CD48: variants seen among roughly 807,000 people sequenced by gnomAD.
CD48 encodes the protein CD48 molecule.
In CD48, 20 loss-of-function variants were observed where a neutral mutation model predicts 22.0. The observed-to-expected ratio is 0.91, with a 90% CI of 0.64 to 1.32. The LOEUF (loss-of-function observed/expected upper bound fraction) is 1.32, where lower values mean the gene tolerates loss of function less well. Among genes scored for constraint, CD48 ranks in the 40% most tolerant of loss-of-function variants. The pLI is 0.00. For missense variants in CD48, 307 were observed against 286.5 expected, an observed-to-expected ratio of 1.07 and a Z score of -0.52; for synonymous variants, 110 against 110.1, an observed-to-expected ratio of 1.00 and a Z score of 0.01.
At chr1:160,700,897 G>A (rs530133) in intron 1 of CD48, among the ~76,000 whole-genome samples, 115,323 of 151,896 alleles carry the variant, frequency 0.76, 44,040 homozygotes, top group East Asian at 0.83. Context: ...GTGTAATCCA[G>A]CCTCTATAAC....
In CD48 at chr1:160,688,410, C is replaced by T. The variant is rs186308316; in HGVS notation, c.83-3221G>A. 8.5e-5 allele frequency among the ~76,000 whole-genome samples: 13 copies of T among 152,342 alleles called. No homozygotes were observed. In the East Asian group the frequency reaches 2.3e-3, roughly 27 times the overall value. On this transcript the variant is annotated intron_variant, in intron 1 of 3. Transcript: ENST00000368046. ...TTCTCAAACTCGAACCAACATTACA[C>T]TTTTCCTGGAGTCAAAATGGGAGTT...
intron 1 of CD48, among the ~76,000 whole-genome samples, chr1:160,700,049 G>A (rs1056614315): frequency 1.3e-5 from 2 of 152,112 alleles, no homozygotes; most frequent in East Asian, 1.9e-4. Flanking sequence ...GGGAAATCCT[G>A]TAAGGCAGTA....
intron 1 of CD48, among the ~76,000 whole-genome samples, chr1:160,704,443 C>A (rs900670800): frequency 6.6e-6 from 1 of 152,142 alleles, no homozygotes; most frequent in Non-Finnish European, 1.5e-5. Context: ...GTGAAGTTCC[C>A]GCTACCCACT....
intron 1 of CD48, among the ~76,000 whole-genome samples, chr1:160,704,198 A>G (rs1662722892): frequency 6.6e-6 from 1 of 152,174 alleles, no homozygotes; most frequent in East Asian, 1.9e-4. Flanking sequence ...GGCTTCTTGG[A>G]TGGCCCTGGA....
chr1:160,681,912 G>A (rs927704618), intron 2 of CD48, among the ~76,000 whole-genome samples: 5 of 152,210 alleles, frequency 3.3e-5, no homozygotes, highest in Admixed American at 6.5e-5. Flanking sequence ...GAGTCCTAAG[G>A]TAAGAGGTAC....
intron 1 of CD48, among the ~76,000 whole-genome samples, chr1:160,689,229 T>C (rs1317153348): frequency 2.6e-5 from 4 of 152,200 alleles, no homozygotes; most frequent in African/African-American, 4.8e-5. Context: ...TAATCTATGG[T>C]AACATTAAAT....
intron 1 of CD48, among the ~76,000 whole-genome samples, chr1:160,696,683 G>T (rs61801644): frequency 7.0e-6 from 1 of 142,080 alleles, no homozygotes; most frequent in African/African-American, 2.6e-5. Flanking sequence ...TGGATGTCAC[G>T]CATGTACCTT....
At chr1:160,703,832 G>A (rs369083035) in intron 1 of CD48, among the ~76,000 whole-genome samples, 1 of 152,162 alleles carries the variant, frequency 6.6e-6, no homozygotes, top group South Asian at 2.1e-4. Context: ...CCAGACAGAG[G>A]AAAGAGCCAG....
intron 2 of CD48, among the ~76,000 whole-genome samples, chr1:160,681,779 C>G (rs1322531144): frequency 6.6e-6 from 1 of 152,192 alleles, no homozygotes; most frequent in Non-Finnish European, 1.5e-5. Context: ...AGCCCAGAGA[C>G]TTGCTGGGGT....
intron 2 of CD48, chr1:160,684,673 A>C (rs1016421201): frequency 1.2e-5 from 17 of 1,410,484 alleles, no homozygotes; most frequent in Non-Finnish European, 9.4e-7. Flanking sequence ...CTAACTTCAG[A>C]AGAGGTGTTA....
intron 3 of CD48, chr1:160,680,938 G>C: frequency 7.0e-7 from 1 of 1,431,978 alleles, no homozygotes; most frequent in Non-Finnish European, 9.1e-7. Flanking sequence ...CTTTGTTAGA[G>C]CGGGAGAGGG....
chr1:160,688,131 T>A (rs1014645723), intron 1 of CD48, among the ~76,000 whole-genome samples: 1 of 152,198 alleles, frequency 6.6e-6, no homozygotes, highest in Non-Finnish European at 1.5e-5. Context: ...GATGGATGCC[T>A]TGTTGAGAAT....
chr1:160,702,440 C>T (rs74407294), intron 1 of CD48, among the ~76,000 whole-genome samples: 127 of 152,188 alleles, frequency 8.3e-4, no homozygotes, highest in African/African-American at 2.9e-3. Context: ...TTGAAGTGTC[C>T]TATTTGATGT....
chr1:160,707,991 CA>C (rs1662841859), intron 1 of CD48, among the ~76,000 whole-genome samples: 7 of 152,106 alleles, frequency 4.6e-5, no homozygotes, highest in Non-Finnish European at 1.5e-5. Flanking sequence ...CAAAATTAAT[CA>C]GATGATTTCG....
intron 1 of CD48, among the ~76,000 whole-genome samples, chr1:160,689,982 T>C (rs1662145502): frequency 1.3e-5 from 2 of 152,186 alleles, no homozygotes; most frequent in African/African-American, 4.8e-5. Flanking sequence ...ATTTAAAAAA[T>C]TTAAAGTAAA....
At chr1:160,700,073 A>C (rs185318891) in intron 1 of CD48, among the ~76,000 whole-genome samples, 59 of 152,130 alleles carry the variant, frequency 3.9e-4, no homozygotes, top group Admixed American at 8.5e-4. Flanking sequence ...ACAGCAATTA[A>C]CTCCGCCTTT....
In CD48 at chr1:160,678,887, AT is replaced by A; in HGVS notation, c.*164del. 1.7e-6 allele frequency: 1 copy of A among 590,452 alleles called. No individual in the cohort carries two copies. The highest frequency in any genetic ancestry group is 3.0e-6 in the Non-Finnish European group (1 of 329,254). 36.6% of individuals were successfully genotyped at this position (590,452 alleles called of 1,614,324 possible). A position where few individuals can be genotyped will look rare whatever the true frequency, so the allele number is the denominator to read the frequency against. The stretch of plus-strand genomic sequence containing the variant: ...CTAGAAAACAACAAAGGGATATAAA[AT>A]TAAATAATAACCAGTATTTAAAAGT... On this transcript the variant is annotated 3_prime_UTR_variant, in exon 4 of 4. Transcript: ENST00000368046.
chr1:160,681,173 C>G, intron 3 of CD48, 29 bp downstream of exon 3: 1 of 1,613,998 alleles, frequency 6.2e-7, no homozygotes, highest in Non-Finnish European at 8.5e-7. Flanking sequence ...TACCCTGTGC[C>G]CCCCTCAGCT....
chr1:160,684,481 A>AT (rs1661916673), intron 2 of CD48: 1 of 372,938 alleles, frequency 2.7e-6, no homozygotes, highest in Non-Finnish European at 4.8e-6. Context: ...AAGTTGAAAA[A>AT]TTCTCCTGAT....
Sources: gnomAD v4.1 joint callset for allele counts (sites outside exome capture counted in the v4.1 genomes callset) on GRCh38, gnomAD v4.1.1 for gene constraint, MANE v1.5 for transcripts, NCBI Gene and HGNC (gene_info 2026-07-23, HGNC 2026-07-21) for gene names.